Variants in CDH4 observed in about 807,000 individuals in gnomAD.
CDH4 encodes cadherin-4.
Under a neutral mutation model 86.0 loss-of-function variants are expected in CDH4, and 33 were observed. That is an observed-to-expected ratio of 0.38 (90% CI 0.29 to 0.51). The LOEUF (loss-of-function observed/expected upper bound fraction) is 0.51. Ranked by LOEUF, CDH4 falls within the 20% of genes least tolerant of loss-of-function variation. The pLI is 0.86. For synonymous variants in CDH4, 555 were observed against 549.4 expected, an observed-to-expected ratio of 1.01 and a Z score of -0.14; for missense variants, 1,114 against 1,307.4, an observed-to-expected ratio of 0.85 and a Z score of 2.28.
intron 8 of CDH4, among the ~76,000 whole-genome samples, chr20:61,901,146 G>A (rs2427235): frequency 0.79 from 119,515 of 151,398 alleles, 48,356 homozygotes; most frequent in Non-Finnish European, 0.89. Context: ...AGGGGTTTCA[G>A]GTTAATTTTT....
At chr20:61,334,514 G>A (rs539392872) in intron 2 of CDH4, among the ~76,000 whole-genome samples, 2 of 152,290 alleles carry the variant, frequency 1.3e-5, no homozygotes, top group Admixed American at 6.5e-5. Context: ...GGGGGGGCTG[G>A]GATCAAGGCA....
chr20:61,656,429 C>T (rs2145824860), intron 2 of CDH4, among the ~76,000 whole-genome samples: 1 of 151,768 alleles, frequency 6.6e-6, no homozygotes, highest in Admixed American at 6.6e-5. Context: ...TGGGCAGGTG[C>T]ATGCTGGGGT....
chr20:61,334,055 G>A (rs1426710362), intron 2 of CDH4, among the ~76,000 whole-genome samples: 1 of 152,184 alleles, frequency 6.6e-6, no homozygotes, highest in Non-Finnish European at 1.5e-5. Context: ...CAGCTTTGGA[G>A]GGTGTCCTGG....
In CDH4 at chr20:61,318,687, T is replaced by A. The variant is rs553935051; in HGVS notation, c.169+63750T>A. Among the ~76,000 whole-genome samples the A allele has an allele frequency of 3.2e-4, 49 of 152,320 alleles. No homozygotes were observed. In the South Asian group the frequency reaches 0.01, roughly 32 times the overall value. On this transcript the variant is annotated intron_variant, in intron 2 of 15. Coordinates refer to ENST00000614565, the MANE Select transcript of CDH4 (RefSeq NM_001794.5). ...AATGCATAGCCACTGATGAGGAAAT[T>A]AGAAGCTCAGTGAGGTCAAGAAGCG...
chr20:61,305,973 C>T (rs899909973), intron 2 of CDH4, among the ~76,000 whole-genome samples: 4 of 152,262 alleles, frequency 2.6e-5, no homozygotes, highest in African/African-American at 9.6e-5. Flanking sequence ...AATAGCACCA[C>T]TTCCGTTGAC....
chr20:61,486,659 G>T (rs543350543), intron 2 of CDH4, among the ~76,000 whole-genome samples: 2 of 152,330 alleles, frequency 1.3e-5, no homozygotes, highest in African/African-American at 4.8e-5. Context: ...GGAAGCTGAG[G>T]TGGGAGGTTC....
At chr20:61,769,178 G>A (rs367810161) in intron 3 of CDH4, among the ~76,000 whole-genome samples, 2 of 152,200 alleles carry the variant, frequency 1.3e-5, no homozygotes, top group South Asian at 4.1e-4. Flanking sequence ...CCCTTCTCCA[G>A]AGGTGGATCC....
rs1488258263 is a variant in CDH4 at position 61,422,349 on chromosome 20, G to A, written c.169+167412G>A. 4.8e-5 allele frequency among the ~76,000 whole-genome samples: 7 copies of A among 144,928 alleles called. No homozygotes were observed. The East Asian group carries it at 6.2e-4, about 13-fold the overall frequency. On this transcript the variant is annotated intron_variant, in intron 2 of 15. Coordinates refer to ENST00000614565, the MANE Select transcript of CDH4 (RefSeq NM_001794.5). ...TGAAGCAGGAGAATCGCTTGAACCC[G>A]GGTGGCAGAGGTTGCAGTGAGCCGA...
At chr20:61,903,970 G>A (rs576584428) in intron 8 of CDH4, among the ~76,000 whole-genome samples, 1 of 152,176 alleles carries the variant, frequency 6.6e-6, no homozygotes, top group African/African-American at 2.4e-5. Context: ...GCTGCTGCCC[G>A]CTGCCAGCTG....
At position 61,345,724 on chromosome 20, in the gene CDH4, A is replaced by G. The variant is rs373348246; in HGVS notation, c.169+90787A>G. Among the ~76,000 whole-genome samples the G allele has an allele frequency of 2.9e-4, 44 of 152,336 alleles. No individual in the cohort carries two copies. The East Asian group carries it at 6.6e-3, about 23-fold the overall frequency. On this transcript the variant is annotated intron_variant, in intron 2 of 15. Transcript: ENST00000614565. ...TGCACTGAGATCCTGAATGGACAGC[A>G]AGGAAGCGGCTGCCAGGAGTGAGTG...
At chr20:61,289,526 G>C (rs2427033) in intron 2 of CDH4, among the ~76,000 whole-genome samples, 37,924 of 152,094 alleles carry the variant, frequency 0.25, 4,843 homozygotes, top group Middle Eastern at 0.32. Context: ...TTCTGGTGCT[G>C]TGTGGGTGCC....
chr20:61,453,992 G>C (rs990736164), intron 2 of CDH4, among the ~76,000 whole-genome samples: 1 of 152,210 alleles, frequency 6.6e-6, no homozygotes, highest in African/African-American at 2.4e-5. Flanking sequence ...TGCCATGGTT[G>C]TAAGTTTCCT....
chr20:61,690,151 A>T, intron 2 of CDH4, among the ~76,000 whole-genome samples: 1 of 139,980 alleles, frequency 7.1e-6, no homozygotes, highest in African/African-American at 2.8e-5. Context: ...TGGTGAGGTG[A>T]TGTGGTCATC....
intron 2 of CDH4, among the ~76,000 whole-genome samples, chr20:61,639,145 C>T (rs2427215): frequency 0.18 from 26,759 of 152,216 alleles, 2,525 homozygotes; most frequent in South Asian, 0.27. Flanking sequence ...TATCTGGCGA[C>T]GGTTCTGAGG....
intron 7 of CDH4, among the ~76,000 whole-genome samples, chr20:61,876,495 C>T (rs368798251): frequency 1.3e-4 from 20 of 152,162 alleles, no homozygotes; most frequent in Non-Finnish European, 2.2e-4. Context: ...GGGAGTTTCA[C>T]GGGATTGGGT....
intron 2 of CDH4, among the ~76,000 whole-genome samples, chr20:61,282,500 C>A (rs2123164955): frequency 6.6e-6 from 1 of 152,210 alleles, no homozygotes; most frequent in African/African-American, 2.4e-5. Flanking sequence ...AACTTCATTT[C>A]CCTCCTCTGA....
Position 61,392,439 on chromosome 20 carries a change from T to C in CDH4, c.169+137502T>C, listed in dbSNP as rs2084991921. Among the ~76,000 whole-genome samples the C allele has an allele frequency of 6.6e-6, 1 of 151,912 alleles. No homozygotes were observed. The highest frequency in any genetic ancestry group is 2.4e-5 in the African/African-American group (1 of 41,376). On this transcript the variant is annotated intron_variant, in intron 2 of 15. Transcript: ENST00000614565. The surrounding 1 kb of genome is among the most constrained non-coding windows in gnomAD (Gnocchi z 5.7). The stretch of plus-strand genomic sequence containing the variant: ...CGACGTGATTTTCCAGAGAACTGAG[T>C]TCCTTGAATATTAAAATTAACCTTT...
chr20:61,314,711 C>T (rs888205776), intron 2 of CDH4, among the ~76,000 whole-genome samples: 8 of 152,142 alleles, frequency 5.3e-5, no homozygotes, highest in South Asian at 2.1e-4. Context: ...TCTTCCATAA[C>T]GCTCATCCCA....
At chr20:61,757,343 T>C (rs896109088) in intron 3 of CDH4, among the ~76,000 whole-genome samples, 12 of 152,260 alleles carry the variant, frequency 7.9e-5, no homozygotes, top group African/African-American at 2.4e-4. Flanking sequence ...CTTGTAACTC[T>C]TCATGGGTGC....
Sources: gnomAD v4.1 joint callset for allele counts (sites outside exome capture counted in the v4.1 genomes callset) on GRCh38, gnomAD v4.1.1 for gene constraint, Gnocchi (gnomAD v3.1) non-coding constraint, MANE v1.5 for transcripts, NCBI Gene and HGNC (gene_info 2026-07-23, HGNC 2026-07-21) for gene names.